The following ANXA11 variants were observed in gnomAD, a reference collection of about 807,000 sequenced individuals.
ANXA11 encodes annexin A11.
A neutral mutation model predicts 64.7 loss-of-function variants in ANXA11; 57 were observed. That is an observed-to-expected ratio of 0.88 (90% CI 0.71 to 1.10). The LOEUF (loss-of-function observed/expected upper bound fraction) is 1.10, where lower values mean the gene tolerates loss of function less well. Among genes scored for constraint, ANXA11 ranks in the 50% least tolerant of loss-of-function variants. ANXA11 has a pLI of 0.00. For synonymous variants in ANXA11, 260 were observed against 265.2 expected (o/e 0.98, Z 0.19); for missense variants, 675 against 670.7 (o/e 1.01, Z -0.07).
chr10:80,200,494 A>G (rs1840372580), intron 1 of ANXA11, among the ~76,000 whole-genome samples: 2 of 152,230 alleles, frequency 1.3e-5, no homozygotes. Flanking sequence ...GCCTATATAC[A>G]TGAAACACGA....
intron 13 of ANXA11, among the ~76,000 whole-genome samples, chr10:80,158,581 G>A (rs1322005274): frequency 2.0e-5 from 3 of 152,222 alleles, no homozygotes; most frequent in African/African-American, 7.2e-5. Context: ...GGGGTTGTGA[G>A]GGCCTCAGGG....
intron 1 of ANXA11, among the ~76,000 whole-genome samples, chr10:80,188,049 A>T (rs1014872664): frequency 2.0e-5 from 3 of 152,046 alleles, no homozygotes; most frequent in African/African-American, 7.2e-5. Context: ...CAGCTCCAAG[A>T]CACTGGGCCT....
At chr10:80,174,207 A>AT (rs924779092) in intron 2 of ANXA11, among the ~76,000 whole-genome samples, 69 of 148,282 alleles carry the variant, frequency 4.7e-4, no homozygotes, top group East Asian at 2.0e-3. Context: ...CACACAGCTA[A>AT]TTTTTTTTTT....
intron 1 of ANXA11, among the ~76,000 whole-genome samples, chr10:80,202,067 G>A (rs1840450114): frequency 6.6e-6 from 1 of 152,104 alleles, no homozygotes; most frequent in Admixed American, 6.6e-5. Flanking sequence ...CACAGCTCCT[G>A]GCAGTCACAC....
chr10:80,191,768 GC>G (rs759439607), intron 1 of ANXA11, among the ~76,000 whole-genome samples: 1 of 152,192 alleles, frequency 6.6e-6, no homozygotes, highest in Non-Finnish European at 1.5e-5. Flanking sequence ...GTCAGCATTT[GC>G]CCAGTCGGAT....
Position 80,167,074 on chromosome 10 carries a change from C to G in ANXA11, c.650-90G>C, listed in dbSNP as rs1851029727. ...CCCTGGCCTGGGCCCCTCAACTGTTCTGGGCATGCTAGCCATACCCCCACA... is the reference window on the plus strand; with the variant it reads ...CCCTGGCCTGGGCCCCTCAACTGTTGTGGGCATGCTAGCCATACCCCCACA... On this transcript the variant is annotated intron_variant, in intron 6 of 15. Coordinates refer to ENST00000422982, the MANE Select transcript of ANXA11 (RefSeq NM_145868.2). 4.6e-6 allele frequency: 6 copies of G among 1,311,090 alleles called. No homozygotes were observed. The South Asian group carries it at 7.6e-5, about 17-fold the overall frequency. The allele number at this position is 1,311,090 out of a possible 1,614,324, so 81.2% of individuals were successfully genotyped here.
chr10:80,190,549 T>C (rs116283513), intron 1 of ANXA11, among the ~76,000 whole-genome samples: 2,138 of 144,468 alleles, frequency 0.015, 54 homozygotes, highest in African/African-American at 0.052. Flanking sequence ...GCAGTAGCCC[T>C]ATCTTGGCTC....
rs1209281718 is a variant in ANXA11 at position 80,157,641 on chromosome 10, C to T, written c.1458G>A (p.Ser486=). ...CAGTTGGCCTGCAGCAGGCCCGTAC[C>T]GAGATGTCGTGGTACAGCGACTTGC... ...MYGKSLYHDI[S]GDTSGDYRKI... Residue 486 remains serine, a splice_region_variant and synonymous_variant, in exon 15 of 16, where the codon TCG becomes TCA. Coordinates refer to ENST00000422982, the MANE Select transcript of ANXA11 (RefSeq NM_145868.2). The T allele has an allele frequency of 1.6e-5, 26 of 1,612,788 alleles. No individual in the cohort carries two copies. Among genetic ancestry groups the T allele is most frequent in the Non-Finnish European group, 2.2e-5 (26 of 1,179,188 alleles).
chr10:80,157,659 C>G lies in ANXA11; in HGVS notation c.1440G>C (p.Ser480=). Reference sequence around the variant, plus strand: ...CCCGTACCGAGATGTCGTGGTACAGCGACTTGCCGTACATCCGCTTATACT... The same window carrying G: ...CCCGTACCGAGATGTCGTGGTACAGGGACTTGCCGTACATCCGCTTATACT... ...RSEYKRMYGK[S]LYHDISGDTS... Residue 480 remains serine (S), a synonymous_variant, in exon 15 of 16, where the codon TCG becomes TCC. Transcript: ENST00000422982. The G allele has an allele frequency of 2.5e-6, 4 of 1,613,606 alleles. No individual in the cohort carries two copies. Among genetic ancestry groups the G allele is most frequent in the Non-Finnish European group, 3.4e-6 (4 of 1,179,702 alleles).
In ANXA11 at chr10:80,167,227, G is replaced by T; in HGVS notation, c.648C>A (p.Phe216Leu). 2.5e-6 allele frequency: 4 copies of T among 1,613,952 alleles called. No homozygotes were observed. Among genetic ancestry groups the T allele is most frequent in the Non-Finnish European group, 3.4e-6 (4 of 1,179,954 alleles). The change falls in exon 6 of 16, where the codon TTC becomes TTA. Residue 216 changes from phenylalanine (F) to leucine (L), a missense_variant and splice_region_variant. Physicochemically the swap from Phe to Leu is conservative, Grantham distance 22. Coordinates refer to ENST00000422982, the MANE Select transcript of ANXA11 (RefSeq NM_145868.2). ...TTTGAGCCACCCAGGGTCTCTTACC[G>T]AAGCCTTTCATGGCCTTCCGCAGGA... Reference protein sequence around the residue: ...AEVLRKAMKGFGTDEQAIIDC... With the variant: ...AEVLRKAMKGLGTDEQAIIDC...
chr10:80,171,814 G>A, intron 3 of ANXA11: 1 of 985,534 alleles, frequency 1.0e-6, no homozygotes, highest in African/African-American at 1.7e-5. Context: ...TAGCAAAGGT[G>A]GCAGTGGCAG....
chr10:80,196,516 G>A (rs1469041818), intron 1 of ANXA11, among the ~76,000 whole-genome samples: 3 of 152,110 alleles, frequency 2.0e-5, no homozygotes, highest in Admixed American at 6.5e-5. Context: ...GACACATCTA[G>A]GACATTCCCC....
At chr10:80,201,066 G>A (rs900744383) in intron 1 of ANXA11, among the ~76,000 whole-genome samples, 3 of 152,124 alleles carry the variant, frequency 2.0e-5, no homozygotes, top group Admixed American at 1.3e-4. Flanking sequence ...CGTCCTCTTC[G>A]CCTTCAAAGC....
chr10:80,164,882 GT>G (rs1216246512), intron 8 of ANXA11, among the ~76,000 whole-genome samples: 2 of 152,238 alleles, frequency 1.3e-5, no homozygotes, highest in Admixed American at 6.5e-5. Flanking sequence ...GTGCGACATT[GT>G]GTCAGCTGTT....
chr10:80,158,099 T>C, intron 13 of ANXA11, 74 bp from the exon 14 acceptor site: 2 of 1,435,494 alleles, frequency 1.4e-6, no homozygotes, highest in Non-Finnish European at 2.0e-6. Context: ...AGTCTACAAG[T>C]GTCCTCTTAG....
Position 80,166,110 on chromosome 10 carries a change from T to C in ANXA11, c.832A>G (p.Ile278Val), listed in dbSNP as rs72807973. Residue 278 changes from isoleucine (I) to valine (V), a missense_variant, in exon 8 of 16, where the codon ATT (isoleucine) becomes GTT (valine). By Grantham distance (29) the Ile-to-Val change is conservative (BLOSUM62 3). Coordinates refer to ENST00000422982, the MANE Select transcript of ANXA11 (RefSeq NM_145868.2). ...TTGATGGCTTCCTTTATCTCATAAA[T>C]GTCAAAGAGGACTGGGGTCTTCATC... ...ALMKTPVLFD[I>V]YEIKEAIKGV... 7,605 of 1,609,744 alleles carry C rather than the reference T, an allele frequency of 4.7e-3. 29 individuals carry two copies. The highest frequency in any genetic ancestry group is 5.6e-3 in the Non-Finnish European group (6,639 of 1,176,712).
Position 80,153,376 on chromosome 10 carries a change from G to A in ANXA11, c.*2477C>T, listed in dbSNP as rs1845189429. 6.6e-6 allele frequency: 1 copy of A among 152,184 alleles called. No individual in the cohort carries two copies. The highest frequency in any genetic ancestry group is 1.5e-5 in the Non-Finnish European group (1 of 68,038). 9.4% of individuals were successfully genotyped at this position (152,184 alleles called of 1,614,324 possible). The stretch of plus-strand genomic sequence containing the variant: ...TGAAATCTCTCAATGTTTAAATGTT[G>A]GCAACAAATTCAAATGTCTAAAAAC... On this transcript the variant is annotated 3_prime_UTR_variant, in exon 16 of 16. Coordinates refer to ENST00000422982, the MANE Select transcript of ANXA11 (RefSeq NM_145868.2).
At chr10:80,162,823 G>T (rs116723867) in intron 11 of ANXA11, among the ~76,000 whole-genome samples, 1 of 152,270 alleles carries the variant, frequency 6.6e-6, no homozygotes, top group African/African-American at 2.4e-5. Flanking sequence ...ATAATACTAC[G>T]GTTGAAATTC....
Position 80,163,369 on chromosome 10 carries a change from G to C in ANXA11, c.1066C>G (p.Leu356Val). The change falls in exon 11 of 16, where the codon CTC becomes GTC. Residue 356 changes from leucine to valine, a missense_variant. Leu to Val is a conservative substitution (Grantham distance 32, BLOSUM62 1). Coordinates refer to ENST00000422982, the MANE Select transcript of ANXA11 (RefSeq NM_145868.2). ...CTCACCTGGGCATCTCTCTGGGCGA[G>C]TGACATGTCCACGTTTGTGCTTTCA... Reference protein sequence around the residue: ...RDESTNVDMSLAQRDAQELYA... With the variant: ...RDESTNVDMSVAQRDAQELYA... 1 of 1,613,646 alleles carries C rather than the reference G, an allele frequency of 6.2e-7. No homozygotes were observed. Among genetic ancestry groups the C allele is most frequent in the Non-Finnish European group, 8.5e-7 (1 of 1,180,046 alleles).
Sources: gnomAD v4.1 joint callset for allele counts (sites outside exome capture counted in the v4.1 genomes callset) on GRCh38, gnomAD v4.1.1 for gene constraint, MANE v1.5 for transcripts, NCBI Gene and HGNC (gene_info 2026-07-23, HGNC 2026-07-21) for gene names.